SCFD2: variants seen among roughly 807,000 people sequenced by gnomAD.
SCFD2 encodes the protein sec1 family domain containing 2.
Under a neutral mutation model 58.9 loss-of-function variants are expected in SCFD2, and 54 were observed. The observed-to-expected ratio is 0.92, with a 90% CI of 0.74 to 1.15. The LOEUF is 1.15. Among genes scored for constraint, SCFD2 ranks in the 50% most tolerant of loss-of-function variants. SCFD2 has a pLI of 0.00. For missense variants in SCFD2, 805 were observed against 836.6 expected (o/e 0.96, Z 0.47); for synonymous variants, 321 against 335.9 (o/e 0.96, Z 0.49).
chr4:53,043,005 C>G (rs1159925256), intron 5 of SCFD2, among the ~76,000 whole-genome samples: 1 of 152,150 alleles, frequency 6.6e-6, no homozygotes, highest in Non-Finnish European at 1.5e-5. Flanking sequence ...AGAAAAACAA[C>G]AGGGCCACAG....
intron 5 of SCFD2, among the ~76,000 whole-genome samples, chr4:52,960,813 A>G (rs1720837317): frequency 6.6e-6 from 1 of 152,200 alleles, no homozygotes; most frequent in Non-Finnish European, 1.5e-5. Flanking sequence ...AACTATGCAA[A>G]GTACAGTTCC....
intron 5 of SCFD2, among the ~76,000 whole-genome samples, chr4:53,107,091 A>C (rs1400655184): frequency 6.6e-6 from 1 of 152,202 alleles, no homozygotes; most frequent in African/African-American, 2.4e-5. Context: ...TAAAGAAAAG[A>C]ATTTTCAACC....
intron 4 of SCFD2, among the ~76,000 whole-genome samples, chr4:53,249,410 A>C (rs1243281519): frequency 6.6e-6 from 1 of 152,242 alleles, no homozygotes; most frequent in Non-Finnish European, 1.5e-5. Context: ...GAACTTCCCC[A>C]ATCTAGCAAG....
intron 5 of SCFD2, among the ~76,000 whole-genome samples, chr4:52,969,230 C>T (rs1261849568): frequency 6.6e-6 from 1 of 152,156 alleles, no homozygotes; most frequent in Non-Finnish European, 1.5e-5. Flanking sequence ...CAATCTTTTT[C>T]CTGACTGCAA....
At chr4:53,321,789 A>G (rs972345854) in intron 2 of SCFD2, among the ~76,000 whole-genome samples, 1 of 152,250 alleles carries the variant, frequency 6.6e-6, no homozygotes, top group African/African-American at 2.4e-5. Flanking sequence ...TCTTCATCTC[A>G]ATAGAAGCAA....
Position 53,263,125 on chromosome 4 carries a change from T to C in SCFD2, c.1311+10701A>G, listed in dbSNP as rs115407845. Among the ~76,000 whole-genome samples the C allele has an allele frequency of 8.7e-3, 1,316 of 151,980 alleles. 21 individuals carry two copies. The highest frequency in any genetic ancestry group is 0.03 in the African/African-American group (1,240 of 41,390). On this transcript the variant is annotated intron_variant, in intron 4 of 8. Coordinates refer to ENST00000401642, the MANE Select transcript of SCFD2 (RefSeq NM_152540.4). ...GTTGTGATTGTTCTTATTTATGCTGTCTATTTCACTGAACATTTTTCCTTT... is the reference window on the plus strand; with the variant it reads ...GTTGTGATTGTTCTTATTTATGCTGCCTATTTCACTGAACATTTTTCCTTT...
At chr4:53,007,566 A>G (rs1722006484) in intron 5 of SCFD2, among the ~76,000 whole-genome samples, 1 of 152,136 alleles carries the variant, frequency 6.6e-6, no homozygotes, top group Admixed American at 6.5e-5. Context: ...TAGCTCAAGC[A>G]CTTATTATAG....
At chr4:53,167,010 G>A (rs1727031541) in intron 4 of SCFD2, among the ~76,000 whole-genome samples, 1 of 152,186 alleles carries the variant, frequency 6.6e-6, no homozygotes, top group Non-Finnish European at 1.5e-5. Flanking sequence ...GAGAAGATCA[G>A]TATGTGATAC....
intron 3 of SCFD2, among the ~76,000 whole-genome samples, chr4:53,276,277 G>T (rs944859925): frequency 3.3e-5 from 5 of 152,010 alleles, no homozygotes; most frequent in African/African-American, 1.2e-4. Flanking sequence ...GTACAATACA[G>T]TCCATTGAAA....
chr4:53,302,779 C>T (rs547297509), intron 3 of SCFD2, among the ~76,000 whole-genome samples: 65 of 152,112 alleles, frequency 4.3e-4, no homozygotes, highest in Admixed American at 7.9e-4. Context: ...CAGAACAGAG[C>T]CCTCAGAAAT....
intron 5 of SCFD2, among the ~76,000 whole-genome samples, chr4:53,061,667 C>T (rs1723515611): frequency 6.6e-6 from 1 of 152,074 alleles, no homozygotes; most frequent in Non-Finnish European, 1.5e-5. Context: ...GCTTACTCTG[C>T]GTTATTTATT....
At chr4:53,018,944 C>T (rs566660257) in intron 5 of SCFD2, among the ~76,000 whole-genome samples, 129 of 152,224 alleles carry the variant, frequency 8.5e-4, no homozygotes, top group Non-Finnish European at 1.6e-3. Flanking sequence ...GCTATAGAGG[C>T]CCTAACATGT....
intron 3 of SCFD2, among the ~76,000 whole-genome samples, chr4:53,285,796 C>T (rs1481820): frequency 0.72 from 109,074 of 151,376 alleles, 39,489 homozygotes; most frequent in Middle Eastern, 0.8. Context: ...GCAGCCCCCA[C>T]AACCACTGCA....
chr4:52,956,351 G>A (rs1283466273), intron 5 of SCFD2: 1 of 388,560 alleles, frequency 2.6e-6, no homozygotes, highest in African/African-American at 2.1e-5. Context: ...TGTTAGATAG[G>A]GCTTTTTATG....
chr4:53,352,279 G>A (rs1734244202), intron 2 of SCFD2, among the ~76,000 whole-genome samples: 1 of 152,154 alleles, frequency 6.6e-6, no homozygotes, highest in Non-Finnish European at 1.5e-5. Flanking sequence ...AGAAACTGAG[G>A]AAGACTAGAC....
intron 4 of SCFD2, among the ~76,000 whole-genome samples, chr4:53,260,653 C>T (rs951375663): frequency 1.3e-5 from 2 of 152,080 alleles, no homozygotes; most frequent in African/African-American, 4.8e-5. Context: ...AGGATTTTTG[C>T]ATCTATGTTC....
intron 7 of SCFD2, among the ~76,000 whole-genome samples, chr4:52,898,023 G>A (rs1719071787): frequency 6.6e-6 from 1 of 152,096 alleles, no homozygotes; most frequent in Non-Finnish European, 1.5e-5. Context: ...ATTTGTTATT[G>A]CGTCTATTTG....
intron 4 of SCFD2, among the ~76,000 whole-genome samples, chr4:53,153,008 G>A (rs1183193214): frequency 6.6e-6 from 1 of 152,220 alleles, no homozygotes; most frequent in Non-Finnish European, 1.5e-5. Context: ...TTTGAAGGGT[G>A]CAACCATGAA....
chr4:53,349,812 T>C (rs1260791740), intron 2 of SCFD2, among the ~76,000 whole-genome samples: 1 of 152,204 alleles, frequency 6.6e-6, no homozygotes, highest in African/African-American at 2.4e-5. Flanking sequence ...TCTTCTTTCT[T>C]TTAGCAAACT....
Sources: allele counts gnomAD v4.1 joint callset (sites outside exome capture counted in the v4.1 genomes callset), GRCh38; gene constraint gnomAD v4.1.1; transcripts MANE v1.5; gene names NCBI Gene and HGNC (gene_info 2026-07-23, HGNC 2026-07-21).